ZNF879: variants seen among roughly 807,000 people sequenced by gnomAD.
ZNF879 encodes zinc finger protein 879.
Under a neutral mutation model 44.3 loss-of-function variants are expected in ZNF879, and 32 were observed. That is an observed-to-expected ratio of 0.72 (90% CI 0.54 to 0.97). The LOEUF (loss-of-function observed/expected upper bound fraction) is 0.97. Ranked by LOEUF, ZNF879 falls within the 50% of genes least tolerant of loss-of-function variation. ZNF879 has a pLI of 0.00. For synonymous variants in ZNF879, 234 were observed against 233.2 expected (o/e 1.00, Z -0.03); for missense variants, 621 against 669.7 (o/e 0.93, Z 0.80).
chr5:179,024,927 C>A (rs1761221957), intron 1 of ZNF879, 43 bp from the exon 2 acceptor site: 3 of 1,472,406 alleles, frequency 2.0e-6, no homozygotes, highest in South Asian at 1.2e-5. Flanking sequence ...GGTGGGCATG[C>A]AGGCTGGATG....
At position 179,033,370 on chromosome 5, in the gene ZNF879, T is replaced by A; in HGVS notation, c.1422T>A (p.His474Gln). ...GTTCCCACTCAGGCGTTAATACTCA[T>A]CGAAAAATTCATACTGGAGAAAAAC... ...AFSSHSGVNT[H>Q]RKIHTGEKPY... The change falls in exon 5 of 5, where the codon CAT (histidine) becomes CAA (glutamine). Residue 474 changes from histidine to glutamine, a missense_variant. Transcript: ENST00000444149. 6.4e-7 allele frequency: 1 copy of A among 1,559,664 alleles called. No individual in the cohort carries two copies. Among genetic ancestry groups the A allele is most frequent in the Non-Finnish European group, 8.7e-7 (1 of 1,151,762 alleles).
Position 179,033,673 on chromosome 5 carries a change from G to A in ZNF879, c.*33G>A. 7.1e-7 allele frequency: 1 copy of A among 1,406,892 alleles called. No individual in the cohort carries two copies. The highest frequency in any genetic ancestry group is 9.5e-7 in the Non-Finnish European group (1 of 1,056,842). The allele number at this position is 1,406,892 out of a possible 1,614,324, so 87.2% of individuals were successfully genotyped here. A position where few individuals can be genotyped will look rare whatever the true frequency, so the allele number is the denominator to read the frequency against. On this transcript the variant is annotated 3_prime_UTR_variant, in exon 5 of 5. Coordinates refer to ENST00000444149, the MANE Select transcript of ZNF879 (RefSeq NM_001136116.3). ...TGTATAAATGCATGTAGGAACTGAA[G>A]TTATATTCCATACTGAGTATCAAAA...
intron 1 of ZNF879, chr5:179,024,396 C>T (rs6875622): frequency 0.29 from 44,397 of 152,014 alleles, 6,987 homozygotes; most frequent in African/African-American, 0.42. Flanking sequence ...CGTTTCTTCC[C>T]ATTTCTCTAA....
chr5:179,032,048 C>T (rs1338054937), intron 4 of ZNF879, among the ~76,000 whole-genome samples, 157 bp from the exon 5 acceptor site: 1 of 152,066 alleles, frequency 6.6e-6, no homozygotes, highest in Non-Finnish European at 1.5e-5. Context: ...ACCCTTCCCA[C>T]CCACATGTCT....
chr5:179,032,556 G>A lies in ZNF879; in HGVS notation c.608G>A (p.Cys203Tyr), dbSNP rs768074471. The change falls in exon 5 of 5, where the codon TGT (cysteine) becomes TAT (tyrosine). Residue 203 changes from cysteine (C) to tyrosine (Y), a missense_variant. Coordinates refer to ENST00000444149, the MANE Select transcript of ZNF879 (RefSeq NM_001136116.3). Reference sequence around the variant, plus strand: ...CTGGGGGTCAACACAGTGCGTAAATGTTATAAATGTAATATCTGTGGGAAA... The same window carrying A: ...CTGGGGGTCAACACAGTGCGTAAATATTATAAATGTAATATCTGTGGGAAA... ...KQLGVNTVRKCYKCNICGKIF... is the reference protein window; with the variant it reads ...KQLGVNTVRKYYKCNICGKIF... 1.5e-5 allele frequency: 24 copies of A among 1,552,012 alleles called. No individual in the cohort carries two copies. The highest frequency in any genetic ancestry group is 7.1e-5 in the South Asian group (6 of 84,080).
At chr5:179,027,158 A>T (rs769108848) in intron 2 of ZNF879, among the ~76,000 whole-genome samples, 1 of 152,038 alleles carries the variant, frequency 6.6e-6, no homozygotes, top group Non-Finnish European at 1.5e-5. Flanking sequence ...CCGAAACCTG[A>T]CTGTCAGGTG....
intron 4 of ZNF879, among the ~76,000 whole-genome samples, chr5:179,031,056 A>G (rs1761403223): frequency 6.6e-6 from 1 of 152,158 alleles, no homozygotes; most frequent in Admixed American, 6.5e-5. Flanking sequence ...GTCTCTTATC[A>G]CCACATGCCA....
chr5:179,033,523 A>G lies in ZNF879; in HGVS notation c.1575A>G (p.Ser525=). ...KVCGKAFRQS[S]SLMTHMRIHT... ...GTGGGAAAGCCTTCAGACAGAGTTC[A>G]TCCCTTATGACACACATGAGAATTC... The change falls in exon 5 of 5, where the codon TCA becomes TCG. Residue 525 remains serine, a synonymous_variant. Transcript: ENST00000444149. 1 of 1,555,940 alleles carries G rather than the reference A, an allele frequency of 6.4e-7. No individual in the cohort carries two copies.
rs1195336242 is a variant in ZNF879, at chr5:179,033,639, G to A, written c.1691G>A (p.Ter564=). The part of the protein sequence containing the change: ...SLTNHQRTHN[*] ...ACTAATCATCAAAGGACTCATAATT[G>A]AGAAAAACTGTATAAATGCATGTAG... The change falls in exon 5 of 5, where the codon TGA becomes TAA. Residue 564 remains the stop codon, a stop_retained_variant. Transcript: ENST00000444149. 3 of 1,490,536 alleles carry A rather than the reference G, an allele frequency of 2.0e-6. No individual in the cohort carries two copies. Among genetic ancestry groups the A allele is most frequent in the Non-Finnish European group, 8.9e-7 (1 of 1,121,292 alleles). 92.3% of individuals were successfully genotyped at this position (1,490,536 alleles called of 1,614,324 possible).
At chr5:179,027,736 T>C (rs7717952) in intron 3 of ZNF879, 137 bp downstream of exon 3, 779,328 of 1,213,774 alleles carry the variant, frequency 0.64, 253,447 homozygotes, top group East Asian at 0.86. Flanking sequence ...CTTGGTTGTA[T>C]GGAGAGACCT....
At chr5:179,025,282 C>T (rs542362887) in intron 2 of ZNF879, among the ~76,000 whole-genome samples, 10 of 151,520 alleles carry the variant, frequency 6.6e-5, no homozygotes, top group Admixed American at 2.6e-4. Flanking sequence ...TGCAGTGGCA[C>T]GGACATGGCT....
chr5:179,029,623 A>G (rs1455300741), intron 4 of ZNF879, among the ~76,000 whole-genome samples: 1 of 152,220 alleles, frequency 6.6e-6, no homozygotes, highest in African/African-American at 2.4e-5. Flanking sequence ...AATTATTTTA[A>G]ATTTGTACAA....
chr5:179,025,449 T>C (rs1344338160), intron 2 of ZNF879, among the ~76,000 whole-genome samples: 2 of 151,992 alleles, frequency 1.3e-5, no homozygotes, highest in African/African-American at 4.8e-5. Flanking sequence ...CTCAGCCTCC[T>C]AAAGTGTTGG....
intron 2 of ZNF879, 69 bp from the exon 3 acceptor site, chr5:179,027,404 A>G (rs1561733810): frequency 6.3e-7 from 1 of 1,588,940 alleles, no homozygotes; most frequent in South Asian, 1.1e-5. Flanking sequence ...AAGTTGTGAC[A>G]GGGTTGCTTC....
chr5:179,032,835 C>T lies in ZNF879; in HGVS notation c.887C>T (p.Thr296Ile). 2 of 1,556,768 alleles carry T rather than the reference C, an allele frequency of 1.3e-6. No homozygotes were observed. The highest frequency in any genetic ancestry group is 8.7e-7 in the Non-Finnish European group (1 of 1,150,184). Residue 296 changes from threonine (T) to isoleucine (I), a missense_variant, in exon 5 of 5, where the codon ACA becomes ATA. Physicochemically the swap from Thr to Ile is moderately conservative, Grantham distance 89. Coordinates refer to ENST00000444149, the MANE Select transcript of ZNF879 (RefSeq NM_001136116.3). Reference sequence around the variant, plus strand: ...TATAAATGCAAGGAATGTGGAAAAACATTTAAAGGTAGTTCATCTCTTAAT... The same window carrying T: ...TATAAATGCAAGGAATGTGGAAAAATATTTAAAGGTAGTTCATCTCTTAAT... ...RPYKCKECGK[T>I]FKGSSSLNNH...
Position 179,032,597 on chromosome 5 carries a change from T to G in ZNF879, c.649T>G (p.Ser217Ala), listed in dbSNP as rs1761452430. Residue 217 changes from serine (S) to alanine (A), a missense_variant, in exon 5 of 5, where the codon TCC becomes GCC. Ser to Ala is a moderately conservative substitution (Grantham distance 99, BLOSUM62 1). Coordinates refer to ENST00000444149, the MANE Select transcript of ZNF879 (RefSeq NM_001136116.3). ...CTGTGGGAAAATCTTCCTCCACAGTTCCTCCCTGAGTAAACACCAGAGAAT... is the reference window on the plus strand; with the variant it reads ...CTGTGGGAAAATCTTCCTCCACAGTGCCTCCCTGAGTAAACACCAGAGAAT... ...NICGKIFLHS[S>A]SLSKHQRIHT... 2.6e-6 allele frequency: 4 copies of G among 1,558,996 alleles called. No homozygotes were observed. In the South Asian group the frequency reaches 4.7e-5, roughly 18 times the overall value.
At chr5:179,027,303 G>T in intron 2 of ZNF879, 170 bp from the exon 3 acceptor site, 1 of 895,202 alleles carries the variant, frequency 1.1e-6, no homozygotes, top group South Asian at 1.7e-5. Flanking sequence ...GCTTCCTGAG[G>T]GGACGGTGTT....
intron 4 of ZNF879, among the ~76,000 whole-genome samples, chr5:179,031,046 G>A (rs933612780): frequency 3.3e-5 from 5 of 151,964 alleles, no homozygotes; most frequent in East Asian, 1.9e-4. Context: ...ACCTCTTTCC[G>A]TCTCTTATCA....
rs1246539213 is a variant in ZNF879, at chr5:179,029,060, C to T, written c.256+933C>T. Among the ~76,000 whole-genome samples the T allele has an allele frequency of 3.6e-5, 5 of 137,172 alleles. No homozygotes were observed. The East Asian group carries it at 6.8e-4, about 19-fold the overall frequency. 90.0% of individuals were successfully genotyped at this position (137,172 alleles called of 152,430 possible). On this transcript the variant is annotated intron_variant, in intron 4 of 4. Transcript: ENST00000444149. ...CAAAAATCAGTTGTTTTTTTCTCTC[C>T]TCTGAGATTTGTTGTTTTGGATCTA...
Sources: gnomAD v4.1 joint callset for allele counts (sites outside exome capture counted in the v4.1 genomes callset) on GRCh38, gnomAD v4.1.1 for gene constraint, MANE v1.5 for transcripts, NCBI Gene and HGNC (gene_info 2026-07-23, HGNC 2026-07-21) for gene names.